Variants in LRRC7 observed in about 807,000 individuals in gnomAD.
The protein encoded by LRRC7 is leucine rich repeat containing 7.
LRRC7 carries 23 observed loss-of-function variants against 175.7 expected under a neutral mutation model. That is an observed-to-expected ratio of 0.13 (90% confidence interval 0.09 to 0.19). The LOEUF is 0.19. Among genes scored for constraint, LRRC7 ranks in the 10% least tolerant of loss-of-function variants. The pLI, the probability that LRRC7 is intolerant of heterozygous loss-of-function variation, is 1.00. For missense variants in LRRC7, 1,354 were observed against 1,904.7 expected (o/e 0.71, Z 5.38); for synonymous variants, 685 against 680.9 (o/e 1.01, Z -0.09).
chr1:69,624,963 A>T (rs1281660345), intron 1 of LRRC7, among the ~76,000 whole-genome samples: 4 of 152,136 alleles, frequency 2.6e-5, no homozygotes, highest in Non-Finnish European at 5.9e-5. Context: ...ATACTGTCAT[A>T]AAACTAAGCT....
chr1:70,071,682 A>G (rs1389266538), intron 23 of LRRC7, among the ~76,000 whole-genome samples: 1 of 152,156 alleles, frequency 6.6e-6, no homozygotes, highest in Admixed American at 6.5e-5. Flanking sequence ...TTTGGATTTA[A>G]TTTTAGGGAA....
chr1:69,717,655 G>A (rs531291968), intron 2 of LRRC7, among the ~76,000 whole-genome samples: 1 of 150,694 alleles, frequency 6.6e-6, no homozygotes, highest in East Asian at 2.0e-4. Context: ...TTGAGGGAGG[G>A]AAAATTGTAA....
At chr1:69,827,980 G>T (rs1446282501) in intron 5 of LRRC7, among the ~76,000 whole-genome samples, 1 of 152,062 alleles carries the variant, frequency 6.6e-6, no homozygotes, top group African/African-American at 2.4e-5. Context: ...ATCCACTGAC[G>T]ATTACTATCC....
At position 69,728,683 on chromosome 1, in the gene LRRC7, G is replaced by A. The variant is rs200605949; in HGVS notation, c.101-31508G>A. ...AATTGGATCAACTTTTCCTAATAGA[G>A]AATAGAACTTATTTGCAATAAAGGA... On this transcript the variant is annotated intron_variant, in intron 2 of 26. Transcript: ENST00000651989. Among the ~76,000 whole-genome samples, 119 of 152,218 alleles carry A rather than the reference G, an allele frequency of 7.8e-4. 1 individual carries two copies. The highest frequency in any genetic ancestry group is 2.3e-3 in the East Asian group (12 of 5,178).
intron 4 of LRRC7, among the ~76,000 whole-genome samples, chr1:69,801,492 C>T (rs1325887135): frequency 1.3e-5 from 2 of 151,428 alleles, no homozygotes; most frequent in Non-Finnish European, 3.0e-5. Flanking sequence ...GAATTCTTAG[C>T]CTGTGAGCAA....
chr1:70,089,167 CT>C (rs1457251617), intron 24 of LRRC7, among the ~76,000 whole-genome samples: 1 of 151,952 alleles, frequency 6.6e-6, no homozygotes, highest in South Asian at 2.1e-4. Flanking sequence ...TTCATTTTTC[CT>C]TTTTTTTACC....
intron 4 of LRRC7, among the ~76,000 whole-genome samples, chr1:69,803,353 C>T (rs977819247): frequency 4.0e-5 from 6 of 151,264 alleles, no homozygotes; most frequent in African/African-American, 1.2e-4. Flanking sequence ...GTGTTGATAC[C>T]TTTGGCATAG....
Position 69,780,636 on chromosome 1 carries a change from C to T in LRRC7, c.304-11407C>T, listed in dbSNP as rs545006189. Among the ~76,000 whole-genome samples the T allele has an allele frequency of 3.8e-5, 5 of 132,576 alleles. 1 individual carries two copies. The South Asian group carries it at 9.1e-4, about 24-fold the overall frequency. 87.0% of individuals were successfully genotyped at this position (132,576 alleles called of 152,430 possible). On this transcript the variant is annotated intron_variant, in intron 3 of 26. Coordinates refer to ENST00000651989, the MANE Select transcript of LRRC7 (RefSeq NM_001370785.2). ...ACTCTCTTATTACTTAGAGTTGGCT[C>T]TTTTCTAACAAAAAAAATTATTAAC...
intron 1 of LRRC7, among the ~76,000 whole-genome samples, chr1:69,658,538 C>G (rs558478953): frequency 6.6e-6 from 1 of 151,948 alleles, no homozygotes; most frequent in Non-Finnish European, 1.5e-5. Flanking sequence ...AGAACTTCAG[C>G]TCCTGTTTTA....
chr1:69,838,460 C>T (rs1232632258), intron 7 of LRRC7, among the ~76,000 whole-genome samples, 177 bp downstream of exon 7: 8 of 151,830 alleles, frequency 5.3e-5, no homozygotes, highest in Admixed American at 4.6e-4. Flanking sequence ...AGAATGTATT[C>T]TGTTTTATAA....
intron 1 of LRRC7, among the ~76,000 whole-genome samples, chr1:69,574,548 A>G (rs1428063255): frequency 6.6e-6 from 1 of 152,212 alleles, no homozygotes; most frequent in Non-Finnish European, 1.5e-5. Context: ...CATTTGTTGC[A>G]CTAAAAAGGT....
intron 13 of LRRC7, among the ~76,000 whole-genome samples, chr1:70,014,331 T>C (rs1365113220): frequency 6.6e-6 from 1 of 152,036 alleles, no homozygotes; most frequent in Admixed American, 6.6e-5. Flanking sequence ...AGAAGTTCTA[T>C]TAATACTTTG....
intron 7 of LRRC7, among the ~76,000 whole-genome samples, chr1:69,879,225 A>AAAAAAAAAC (rs1686341118): frequency 1.3e-5 from 2 of 148,492 alleles, no homozygotes; most frequent in African/African-American, 4.9e-5. Context: ...AAAAAAAAAA[A>AAAAAAAAAC]AAAAAAAAAA....
intron 1 of LRRC7, among the ~76,000 whole-genome samples, chr1:69,598,393 A>C (rs1646925840): frequency 6.6e-6 from 1 of 152,160 alleles, no homozygotes; most frequent in Non-Finnish European, 1.5e-5. Flanking sequence ...ATATCTATCT[A>C]TCTAGAGAGA....
At chr1:69,924,599 TTGTC>T (rs1407472357) in intron 7 of LRRC7, among the ~76,000 whole-genome samples, 1 of 152,144 alleles carries the variant, frequency 6.6e-6, no homozygotes, top group East Asian at 1.9e-4. Context: ...GGCTCTCTGT[TTGTC>T]TGTTATTGGT....
chr1:69,753,428 C>T (rs1489117154), intron 2 of LRRC7, among the ~76,000 whole-genome samples: 4 of 151,776 alleles, frequency 2.6e-5, no homozygotes, highest in Non-Finnish European at 5.9e-5. Flanking sequence ...AAATCAATGG[C>T]TTTAGGGCAC....
At chr1:69,939,931 A>G (rs557296392) in intron 8 of LRRC7, among the ~76,000 whole-genome samples, 1 of 152,266 alleles carries the variant, frequency 6.6e-6, no homozygotes, top group African/African-American at 2.4e-5. Flanking sequence ...TGTCTTTTGA[A>G]GCATCAATCC....
At chr1:70,020,136 C>T (rs979203601) in intron 15 of LRRC7, among the ~76,000 whole-genome samples, 5 of 151,806 alleles carry the variant, frequency 3.3e-5, no homozygotes, top group African/African-American at 1.2e-4. Context: ...ATTAAGTCAT[C>T]CTTTGGTTTT....
At chr1:69,687,059 G>T (rs148625521) in intron 2 of LRRC7, among the ~76,000 whole-genome samples, 1 of 151,974 alleles carries the variant, frequency 6.6e-6, no homozygotes, top group Non-Finnish European at 1.5e-5. Context: ...GTATGTATTC[G>T]ATTTAATTTT....
Sources: gnomAD v4.1 joint callset for allele counts (sites outside exome capture counted in the v4.1 genomes callset) on GRCh38, gnomAD v4.1.1 for gene constraint, MANE v1.5 for transcripts, NCBI Gene and HGNC (gene_info 2026-07-23, HGNC 2026-07-21) for gene names.